ZBTB20: variants seen among roughly 807,000 people sequenced by gnomAD.
The protein encoded by ZBTB20 is zinc finger and BTB domain-containing protein 20.
In ZBTB20, 9 loss-of-function variants were observed where a neutral mutation model predicts 56.9. The ratio of observed to expected loss-of-function variants is 0.16; its 90% confidence interval spans 0.10 to 0.28. The LOEUF (loss-of-function observed/expected upper bound fraction) is 0.28, where lower values mean the gene tolerates loss of function less well. ZBTB20 is among the 10% of genes least tolerant of loss of function. The pLI is 1.00. For missense variants in ZBTB20, 655 were observed against 1,003.0 expected (o/e 0.65, Z 4.69); for synonymous variants, 417 against 420.7 (o/e 0.99, Z 0.11).
chr3:114,950,529 A>G (rs1415676067), intron 3 of ZBTB20, among the ~76,000 whole-genome samples: 1 of 152,114 alleles, frequency 6.6e-6, no homozygotes, highest in Non-Finnish European at 1.5e-5. Flanking sequence ...ACTGTGGAAA[A>G]CTGAAATCAT....
intron 5 of ZBTB20, among the ~76,000 whole-genome samples, chr3:114,731,663 C>G (rs1036594381): frequency 1.3e-5 from 2 of 152,132 alleles, no homozygotes; most frequent in Admixed American, 6.6e-5. Flanking sequence ...GCTGTACCTA[C>G]ATTAGTTACT....
chr3:114,497,556 C>T (rs2109605131), intron 7 of ZBTB20, among the ~76,000 whole-genome samples: 1 of 152,282 alleles, frequency 6.6e-6, no homozygotes, highest in Middle Eastern at 3.4e-3. Context: ...ACCTGGTAAA[C>T]TGCAATTTAC....
At chr3:114,340,201 C>T (rs951276190) in intron 11 of ZBTB20, among the ~76,000 whole-genome samples, 1 of 152,092 alleles carries the variant, frequency 6.6e-6, no homozygotes, top group African/African-American at 2.4e-5. Flanking sequence ...CACCAACACA[C>T]TACACTCCAC....
chr3:114,959,521 TAAG>T lies in ZBTB20; in HGVS notation c.-456+14842_-456+14844del, dbSNP rs1196023948. ...GTAAGTAACTAAGTAAATAAATAAA[TAAG>T]AAAAATGATGACAAATTTGCAAGGG... On this transcript the variant is annotated intron_variant, in intron 3 of 11. Coordinates refer to ENST00000675478, the MANE Select transcript of ZBTB20 (RefSeq NM_001348800.3). 5.3e-5 allele frequency among the ~76,000 whole-genome samples: 8 copies of T among 152,082 alleles called. No homozygotes were observed. The East Asian group carries it at 1.4e-3, about 26-fold the overall frequency.
At chr3:114,970,790 C>A (rs2077844957) in intron 3 of ZBTB20, among the ~76,000 whole-genome samples, 1 of 152,114 alleles carries the variant, frequency 6.6e-6, no homozygotes. Flanking sequence ...CCGAGGCGGG[C>A]AGATCACGAG....
At chr3:114,409,789 T>C (rs753269970) in intron 7 of ZBTB20, among the ~76,000 whole-genome samples, 8 of 152,186 alleles carry the variant, frequency 5.3e-5, no homozygotes, top group African/African-American at 1.9e-4. Context: ...ATGCTTCTTA[T>C]GAAACACTTG....
intron 2 of ZBTB20, among the ~76,000 whole-genome samples, chr3:115,068,587 G>A (rs551394226): frequency 7.0e-4 from 107 of 152,134 alleles, no homozygotes; most frequent in Middle Eastern, 3.4e-3. Context: ...GATAAGGCAC[G>A]ATATAGAATG....
chr3:114,829,562 T>A (rs1328240083), intron 4 of ZBTB20, among the ~76,000 whole-genome samples: 1 of 151,932 alleles, frequency 6.6e-6, no homozygotes, highest in Admixed American at 6.6e-5. Flanking sequence ...TCTTAAGTAC[T>A]GTTTCTACTA....
At chr3:114,498,017 G>C (rs965080349) in intron 7 of ZBTB20, among the ~76,000 whole-genome samples, 1 of 152,126 alleles carries the variant, frequency 6.6e-6, no homozygotes, top group Non-Finnish European at 1.5e-5. Context: ...GATGGAGGAA[G>C]GTCTTTTTAA....
intron 7 of ZBTB20, among the ~76,000 whole-genome samples, chr3:114,496,958 T>C (rs1444404564): frequency 6.6e-6 from 1 of 152,212 alleles, no homozygotes; most frequent in Non-Finnish European, 1.5e-5. Flanking sequence ...GCGAGCCTGG[T>C]GACCAGGGGG....
chr3:114,864,115 C>T (rs1249897545), intron 4 of ZBTB20, among the ~76,000 whole-genome samples: 1 of 152,066 alleles, frequency 6.6e-6, no homozygotes, highest in Non-Finnish European at 1.5e-5. Context: ...CCTGCTGGCT[C>T]AGTGAATTTG....
intron 5 of ZBTB20, among the ~76,000 whole-genome samples, chr3:114,795,695 T>C (rs560264571): frequency 1.1e-4 from 17 of 152,244 alleles, no homozygotes; most frequent in Admixed American, 3.3e-4. Flanking sequence ...TTGTCTTGCA[T>C]ACATAACACT....
intron 4 of ZBTB20, among the ~76,000 whole-genome samples, chr3:114,824,912 A>G (rs1171332427): frequency 6.6e-6 from 1 of 152,012 alleles, no homozygotes; most frequent in Non-Finnish European, 1.5e-5. Context: ...ATTGCTAGTA[A>G]GAGAATAACT....
intron 4 of ZBTB20, among the ~76,000 whole-genome samples, chr3:114,807,126 C>T (rs928750527): frequency 2.6e-5 from 4 of 151,888 alleles, no homozygotes; most frequent in African/African-American, 4.8e-5. Context: ...TCTGTAAAAA[C>T]GCCTTTATTC....
At chr3:115,123,349 G>A (rs1249848331) in intron 1 of ZBTB20, among the ~76,000 whole-genome samples, 5 of 152,044 alleles carry the variant, frequency 3.3e-5, no homozygotes, top group East Asian at 3.9e-4. Context: ...ATGTTCTAAT[G>A]TATGAATTAT....
At position 114,955,809 on chromosome 3, in the gene ZBTB20, T is replaced by A. The variant is rs570724057; in HGVS notation, c.-456+18557A>T. Among the ~76,000 whole-genome samples, 23 of 151,730 alleles carry A rather than the reference T, an allele frequency of 1.5e-4. No individual in the cohort carries two copies. The South Asian group carries it at 4.6e-3, about 30-fold the overall frequency. ...CAAACAAAAAAATGGAGGTGGGGGG[T>A]GTACTTTATTCTGTTTTGTTTTTAA... On this transcript the variant is annotated intron_variant, in intron 3 of 11. Coordinates refer to ENST00000675478, the MANE Select transcript of ZBTB20 (RefSeq NM_001348800.3).
At chr3:114,906,963 C>T (rs1243056692) in intron 3 of ZBTB20, among the ~76,000 whole-genome samples, 1 of 151,766 alleles carries the variant, frequency 6.6e-6, no homozygotes, top group Non-Finnish European at 1.5e-5. Context: ...GTCTTCCCCT[C>T]ATATAAATAA....
At chr3:115,104,687 C>A (rs2083672722) in intron 1 of ZBTB20, among the ~76,000 whole-genome samples, 1 of 152,104 alleles carries the variant, frequency 6.6e-6, no homozygotes, top group African/African-American at 2.4e-5. Context: ...AGCAAAAACT[C>A]ATTGTTTGCA....
intron 5 of ZBTB20, among the ~76,000 whole-genome samples, chr3:114,721,639 T>C (rs1030772335): frequency 5.9e-5 from 9 of 152,164 alleles, no homozygotes; most frequent in East Asian, 1.9e-4. Context: ...AGTTAGTAAG[T>C]GGTGAAGCCT....
Sources: allele counts gnomAD v4.1 joint callset (sites outside exome capture counted in the v4.1 genomes callset), GRCh38; gene constraint gnomAD v4.1.1; transcripts MANE v1.5; gene names NCBI Gene and HGNC (gene_info 2026-07-23, HGNC 2026-07-21).